FHIP2A: variants seen among roughly 807,000 people sequenced by gnomAD.
FHIP2A encodes FHF complex subunit HOOK interacting protein 2A, also known as family with sequence similarity 160 member B1.
Under a neutral mutation model 93.5 loss-of-function variants are expected in FHIP2A, and 46 were observed. The observed-to-expected ratio is 0.49, with a 90% CI of 0.39 to 0.63. FHIP2A has a LOEUF of 0.63. FHIP2A is among the 20% of genes least tolerant of loss of function. FHIP2A has a pLI of 0.00. For synonymous variants in FHIP2A, 332 were observed against 326.5 expected, an observed-to-expected ratio of 1.02 and a Z score of -0.18; for missense variants, 769 against 909.7, an observed-to-expected ratio of 0.85 and a Z score of 1.99.
At chr10:114,865,846 CA>C (rs2083826392), downstream of FHIP2A, among the ~76,000 whole-genome samples, 1 of 151,446 alleles carries the variant, frequency 6.6e-6, no homozygotes, top group Non-Finnish European at 1.5e-5. Context: ...AGAAACACTG[CA>C]TGTGAGTTTG....
intron 1 of FHIP2A, among the ~76,000 whole-genome samples, chr10:114,822,324 G>A (rs1236816612): frequency 2.0e-5 from 3 of 151,604 alleles, no homozygotes; most frequent in African/African-American, 7.3e-5. Flanking sequence ...CTCTGCGGGG[G>A]TCCCGTCGGT....
chr10:114,894,991 C>T (rs73367400), intron 16 of FHIP2A, among the ~76,000 whole-genome samples: 15,480 of 152,206 alleles, frequency 0.1, 2,262 homozygotes, highest in African/African-American at 0.33. Context: ...ACACTGTAGC[C>T]TGCTGTTCTC....
At chr10:114,876,057 G>A (rs1212650895) in intron 16 of FHIP2A, among the ~76,000 whole-genome samples, 1 of 152,110 alleles carries the variant, frequency 6.6e-6, no homozygotes, top group Non-Finnish European at 1.5e-5. Flanking sequence ...GAGCCTGAGG[G>A]GAAAGACTGA....
intron 16 of FHIP2A, among the ~76,000 whole-genome samples, chr10:114,875,777 G>C (rs2083882709): frequency 6.7e-6 from 1 of 148,238 alleles, no homozygotes; most frequent in Non-Finnish European, 1.5e-5. Context: ...AGAAAAGAGA[G>C]AGAGAAAGAA....
chr10:114,881,212 C>A (rs941274875), intron 16 of FHIP2A, among the ~76,000 whole-genome samples: 1 of 152,110 alleles, frequency 6.6e-6, no homozygotes, highest in Non-Finnish European at 1.5e-5. Flanking sequence ...TTAGCTGGGT[C>A]CCCTGTTTTA....
chr10:114,879,750 T>C (rs1193609037), intron 16 of FHIP2A, among the ~76,000 whole-genome samples: 2 of 152,150 alleles, frequency 1.3e-5, no homozygotes, highest in Non-Finnish European at 2.9e-5. Flanking sequence ...TGGAGTGCAG[T>C]GACCCCTGCT....
chr10:114,894,145 C>T (rs2083988982), intron 16 of FHIP2A, among the ~76,000 whole-genome samples: 1 of 152,108 alleles, frequency 6.6e-6, no homozygotes, highest in Admixed American at 6.6e-5. Context: ...ATGAGTTCTT[C>T]TTTTATGATT....
At position 114,863,772 on chromosome 10, in the gene FHIP2A, C is replaced by G. The variant is rs1592027195; in HGVS notation, c.*2232C>G. 7 of 1,264,146 alleles carry G rather than the reference C, an allele frequency of 5.5e-6. No individual in the cohort carries two copies. Among genetic ancestry groups the G allele is most frequent in the African/African-American group, 1.6e-5 (1 of 63,798 alleles). 78.3% of individuals were successfully genotyped at this position (1,264,146 alleles called of 1,614,324 possible). On this transcript the variant is annotated 3_prime_UTR_variant, in exon 17 of 17. Transcript: ENST00000369248. The stretch of plus-strand genomic sequence containing the variant: ...GAATATTTCTGTTACTCAGTACTTG[C>G]AAAAACAGTAACTAAAATGCACTAT...
intron 1 of FHIP2A, among the ~76,000 whole-genome samples, chr10:114,827,199 T>G (rs564450480): frequency 1.2e-3 from 181 of 152,278 alleles, no homozygotes; most frequent in African/African-American, 4.0e-3. Flanking sequence ...GTCTTCAGAG[T>G]TTGAGCAAAA....
At chr10:114,851,714 C>CCAAAAAA (rs774825413) in intron 13 of FHIP2A, among the ~76,000 whole-genome samples, 40 of 81,928 alleles carry the variant, frequency 4.9e-4, no homozygotes, top group African/African-American at 1.9e-3. Flanking sequence ...TCCATTTCTG[C>CCAAAAAA]AAAAAAAAAA....
At chr10:114,874,892 T>A (rs7072356) in intron 16 of FHIP2A, among the ~76,000 whole-genome samples, 48 of 152,206 alleles carry the variant, frequency 3.2e-4, no homozygotes, top group African/African-American at 1.1e-3. Flanking sequence ...TGGATATAGA[T>A]TTCTCCTTTC....
intron 14 of FHIP2A, 59 bp downstream of exon 14, chr10:114,855,399 T>C: frequency 1.4e-6 from 2 of 1,405,266 alleles, no homozygotes; most frequent in South Asian, 1.3e-5. Flanking sequence ...CACAGAATCA[T>C]CTCAAGTCTT....
intron 14 of FHIP2A, among the ~76,000 whole-genome samples, chr10:114,857,314 C>CTTTTTTT (rs78583275): frequency 1.7e-5 from 2 of 120,706 alleles, no homozygotes; most frequent in African/African-American, 3.0e-5. Flanking sequence ...ATTTCTTCTT[C>CTTTTTTT]TTTTTTTTTT....
At chr10:114,849,295 T>G (rs2083720775) in intron 13 of FHIP2A, among the ~76,000 whole-genome samples, 1 of 152,182 alleles carries the variant, frequency 6.6e-6, no homozygotes, top group Admixed American at 6.5e-5. Context: ...CCGGATCCAT[T>G]TCTCCTACTG....
chr10:114,827,895 T>C (rs561672783), intron 1 of FHIP2A, among the ~76,000 whole-genome samples: 1 of 152,170 alleles, frequency 6.6e-6, no homozygotes, highest in Non-Finnish European at 1.5e-5. Context: ...GAAGTCTAGT[T>C]AAGGGTTTCA....
intron 16 of FHIP2A, among the ~76,000 whole-genome samples, chr10:114,874,679 T>G (rs1396911100): frequency 6.6e-6 from 1 of 152,050 alleles, no homozygotes; most frequent in Non-Finnish European, 1.5e-5. Flanking sequence ...ATTTTTTGTG[T>G]TTTTAGTAGA....
chr10:114,822,438 C>T (rs2083536597), intron 1 of FHIP2A, among the ~76,000 whole-genome samples: 1 of 151,618 alleles, frequency 6.6e-6, no homozygotes, highest in Non-Finnish European at 1.5e-5. Context: ...TCGCCTCATT[C>T]CTCTGATGGG....
At chr10:114,851,445 A>G (rs1394997894) in intron 13 of FHIP2A, among the ~76,000 whole-genome samples, 2 of 151,998 alleles carry the variant, frequency 1.3e-5, no homozygotes, top group Non-Finnish European at 2.9e-5. Context: ...GTAGACATCC[A>G]GTTGTCTCTG....
intron 16 of FHIP2A, among the ~76,000 whole-genome samples, chr10:114,896,079 C>T (rs1039412149): frequency 3.9e-5 from 6 of 152,056 alleles, no homozygotes; most frequent in African/African-American, 1.4e-4. Context: ...ACTCCATGGG[C>T]TAGAATGATT....
Sources: gnomAD v4.1 joint callset for allele counts (sites outside exome capture counted in the v4.1 genomes callset) on GRCh38, gnomAD v4.1.1 for gene constraint, MANE v1.5 for transcripts, NCBI Gene and HGNC (gene_info 2026-07-23, HGNC 2026-07-21) for gene names.